The following COL1A2 variants were observed in gnomAD, a reference collection of about 807,000 sequenced individuals.
COL1A2 encodes the protein collagen type I alpha 2 chain, also known as collagen alpha-2(I) chain.
A neutral mutation model predicts 174.3 loss-of-function variants in COL1A2; 49 were observed. That is an observed-to-expected ratio of 0.28 (90% CI 0.22 to 0.36). The LOEUF (loss-of-function observed/expected upper bound fraction) is 0.36. COL1A2 is among the 10% of genes least tolerant of loss of function. COL1A2 has a pLI of 1.00. For missense variants in COL1A2, 1,438 were observed against 1,822.7 expected (o/e 0.79, Z 3.84); for synonymous variants, 655 against 606.6 (o/e 1.08, Z -1.17).
At chr7:94,404,531 G>A in intron 6 of COL1A2, 25 bp from the exon 7 acceptor site, 7 of 1,612,204 alleles carry the variant, frequency 4.3e-6, no homozygotes, top group Non-Finnish European at 5.9e-6. Flanking sequence ...AGTGCTAACT[G>A]TTGATATATC....
intron 1 of COL1A2, 23 bp downstream of exon 1, chr7:94,395,124 G>C (rs745803526): frequency 3.1e-6 from 5 of 1,607,788 alleles, no homozygotes; most frequent in South Asian, 1.1e-5. Flanking sequence ...AGCTTGTTTG[G>C]GGGAGACTGG....
chr7:94,417,458 G>A (rs1310751931), intron 31 of COL1A2: 3 of 475,252 alleles, frequency 6.3e-6, no homozygotes, highest in East Asian at 4.2e-5. Flanking sequence ...TCTTCTCCAT[G>A]CCTGCCATCC....
At chr7:94,428,007 C>T (rs1792318540) in intron 49 of COL1A2, 122 bp downstream of exon 49, 1 of 1,109,152 alleles carries the variant, frequency 9.0e-7, no homozygotes, top group Non-Finnish European at 1.3e-6. Context: ...TGAAATCACA[C>T]CCAATTAATG....
intron 19 of COL1A2, 73 bp from the exon 20 acceptor site, chr7:94,410,169 T>C: frequency 6.8e-7 from 1 of 1,472,922 alleles, no homozygotes; most frequent in Non-Finnish European, 9.5e-7. Flanking sequence ...CCACAAATAT[T>C]CTAAGAGATT....
chr7:94,423,773 T>C (rs573233595), intron 40 of COL1A2: 1 of 164,784 alleles, frequency 6.1e-6, no homozygotes, highest in South Asian at 1.6e-4. Flanking sequence ...TTTTGTATTT[T>C]TAGTAAAGAC....
At chr7:94,418,930 A>T (rs909907195) in intron 33 of COL1A2, among the ~76,000 whole-genome samples, 1 of 151,320 alleles carries the variant, frequency 6.6e-6, no homozygotes, top group East Asian at 1.9e-4. Context: ...CTCTAACAAG[A>T]TTCTATAGTT....
chr7:94,404,791 G>A (rs748396848), intron 8 of COL1A2, 45 bp downstream of exon 8: 1 of 1,614,062 alleles, frequency 6.2e-7, no homozygotes, highest in East Asian at 2.2e-5. Flanking sequence ...TTTCCAGGAA[G>A]TTTATGAATA....
At chr7:94,421,629 A>G (rs1322397389) in intron 38 of COL1A2, among the ~76,000 whole-genome samples, 1 of 152,200 alleles carries the variant, frequency 6.6e-6, no homozygotes, top group Non-Finnish European at 1.5e-5. Context: ...CAACCATAAG[A>G]TAATATGTCA....
intron 33 of COL1A2, among the ~76,000 whole-genome samples, chr7:94,418,801 A>G (rs1009216463): frequency 2.0e-5 from 3 of 152,056 alleles, no homozygotes; most frequent in Non-Finnish European, 2.9e-5. Flanking sequence ...AATGATACCA[A>G]CTACAAACTA....
chr7:94,426,545 G>A lies in COL1A2; in HGVS notation c.3105+15G>A, dbSNP rs1720456006. 4.4e-6 allele frequency: 7 copies of A among 1,577,434 alleles called. No individual in the cohort carries two copies. The highest frequency in any genetic ancestry group is 6.0e-6 in the Non-Finnish European group (7 of 1,157,870). Reference sequence around the variant, plus strand: ...CTGGTATCGCTGTAAGTAAACTGTAGCCATCTCGCACATAAACTGATCCTG... The same window carrying A: ...CTGGTATCGCTGTAAGTAAACTGTAACCATCTCGCACATAAACTGATCCTG... On this transcript the variant is annotated intron_variant, in intron 46 of 51. Coordinates refer to ENST00000297268, the MANE Select transcript of COL1A2 (RefSeq NM_000089.4).
chr7:94,408,344 T>G lies in COL1A2; in HGVS notation c.702T>G (p.Arg234=). The G allele has an allele frequency of 1.9e-6, 3 of 1,614,164 alleles. No homozygotes were observed. Among genetic ancestry groups the G allele is most frequent in the Non-Finnish European group, 2.5e-6 (3 of 1,180,032 alleles). The change falls in exon 15 of 52, where the codon CGT becomes CGG. Residue 234 remains arginine (R), a synonymous_variant. Coordinates refer to ENST00000297268, the MANE Select transcript of COL1A2 (RefSeq NM_000089.4). ...CTTTATTTTCTTCTTAGGGTGCCCG[T>G]GGCAGTGATGGAAGTGTGGGTCCCG... The part of the protein sequence containing the change: ...RVGAPGPAGA[R]GSDGSVGPVG...
intron 38 of COL1A2, 147 bp from the exon 39 acceptor site, chr7:94,421,752 T>C: frequency 2.9e-6 from 2 of 699,116 alleles, no homozygotes; most frequent in Non-Finnish European, 5.0e-6. Context: ...CCTGGCTAAA[T>C]AATGCCCTAT....
chr7:94,404,633 TA>T, intron 7 of COL1A2, 33 bp downstream of exon 7: 1 of 1,614,088 alleles, frequency 6.2e-7, no homozygotes, highest in Non-Finnish European at 8.5e-7. Flanking sequence ...GCCTCTTATG[TA>T]AAAAGACAGA....
chr7:94,401,494 G>A (rs1217190715), intron 5 of COL1A2, 73 bp from the exon 6 acceptor site: 2 of 639,748 alleles, frequency 3.1e-6, no homozygotes, highest in Non-Finnish European at 2.2e-6. Context: ...AGTAGAATGA[G>A]AAAATGAACT....
Position 94,412,645 on chromosome 7 carries a change from C to T in COL1A2, c.1466C>T (p.Pro489Leu). 1 of 1,614,150 alleles carries T rather than the reference C, an allele frequency of 6.2e-7. No homozygotes were observed. The highest frequency in any genetic ancestry group is 8.5e-7 in the Non-Finnish European group (1 of 1,180,044). Reference sequence around the variant, plus strand: ...GGCCCAGCTGGAGCAAGAGGAGAGCCTGGCAACATTGGATTCCCTGGACCC... The same window carrying T: ...GGCCCAGCTGGAGCAAGAGGAGAGCTTGGCAACATTGGATTCCCTGGACCC... Reference protein sequence around the residue: ...PIGPAGARGEPGNIGFPGPKG... With the variant: ...PIGPAGARGELGNIGFPGPKG... Residue 489 changes from proline (P) to leucine (L), a missense_variant, in exon 25 of 52, where the codon CCT (proline) becomes CTT (leucine). Pro to Leu is a moderately conservative substitution (Grantham distance 98). This residue lies in a region of COL1A2 where 867 missense variants were observed against 1,213.7 expected (regional missense o/e 0.71). Coordinates refer to ENST00000297268, the MANE Select transcript of COL1A2 (RefSeq NM_000089.4).
chr7:94,404,666 G>A, intron 7 of COL1A2, 27 bp from the exon 8 acceptor site: 1 of 1,614,156 alleles, frequency 6.2e-7, no homozygotes, highest in Non-Finnish European at 8.5e-7. Context: ...TAAAGGCTTG[G>A]AGTATGACAT....
chr7:94,417,121 A>G (rs1792058958), intron 31 of COL1A2, among the ~76,000 whole-genome samples: 1 of 152,206 alleles, frequency 6.6e-6, no homozygotes. Context: ...GCAAAAAGCT[A>G]TTTTAGTGTA....
intron 1 of COL1A2, among the ~76,000 whole-genome samples, chr7:94,396,585 T>C (rs1250811200): frequency 6.6e-6 from 1 of 152,158 alleles, no homozygotes; most frequent in African/African-American, 2.4e-5. Flanking sequence ...ATAAATGTTA[T>C]CAAACACACA....
chr7:94,408,797 G>A lies in COL1A2; in HGVS notation c.766G>A (p.Gly256Ser). The A allele has an allele frequency of 6.2e-7, 1 of 1,614,128 alleles. No homozygotes were observed. The highest frequency in any genetic ancestry group is 8.5e-7 in the Non-Finnish European group (1 of 1,180,040). The change falls in exon 16 of 52, where the codon GGC becomes AGC. Residue 256 changes from glycine (G) to serine (S), a missense_variant. Gly to Ser is a moderately conservative substitution (Grantham distance 56, BLOSUM62 0). Around this residue, in one of 3 missense-constraint regions of COL1A2, gnomAD observed 867 missense variants for 1,213.7 expected, o/e 0.71. Transcript: ENST00000297268. ...TCCCATTGGGTCTGCTGGCCCTCCA[G>A]GCTTCCCAGGTGCCCCTGGCCCCAA... ...AGPIGSAGPP[G>S]FPGAPGPKGE...
Sources: allele counts gnomAD v4.1 joint callset (sites outside exome capture counted in the v4.1 genomes callset), GRCh38; gene constraint gnomAD v4.1.1; regional missense constraint gnomAD v4.1.1; transcripts MANE v1.5; gene names NCBI Gene and HGNC (gene_info 2026-07-23, HGNC 2026-07-21).